GNPDA2: variants seen among roughly 807,000 people sequenced by gnomAD.
GNPDA2 encodes the protein glcN6P deaminase 2.
A neutral mutation model predicts 27.0 loss-of-function variants in GNPDA2; 24 were observed. That is an observed-to-expected ratio of 0.89 (90% confidence interval 0.64 to 1.25). GNPDA2 has a LOEUF of 1.25. Among genes scored for constraint, GNPDA2 ranks in the 50% most tolerant of loss-of-function variants. The pLI, the probability that GNPDA2 is intolerant of heterozygous loss-of-function variation, is 0.00. For missense variants in GNPDA2, 286 were observed against 335.1 expected (o/e 0.85, Z 1.14); for synonymous variants, 94 against 108.4 (o/e 0.87, Z 0.83).
chr4:44,715,612 G>A (rs1038990253), intron 4 of GNPDA2, among the ~76,000 whole-genome samples: 1 of 152,018 alleles, frequency 6.6e-6, no homozygotes, highest in African/African-American at 2.4e-5. Context: ...CTACTGTCTA[G>A]CCTGAATATT....
At chr4:44,722,935 A>G (rs547872977) in intron 1 of GNPDA2, among the ~76,000 whole-genome samples, 20 of 152,352 alleles carry the variant, frequency 1.3e-4, no homozygotes, top group Non-Finnish European at 2.6e-4. Context: ...AATTCAAATT[A>G]TAACAATAGG....
At chr4:44,725,157 T>A (rs1219610424) in intron 1 of GNPDA2, among the ~76,000 whole-genome samples, 1 of 152,214 alleles carries the variant, frequency 6.6e-6, no homozygotes, top group East Asian at 1.9e-4. Flanking sequence ...AGCACTATGC[T>A]AGGTTCTGTA....
At chr4:44,704,595 C>A (rs1426390042) in intron 6 of GNPDA2, 1 of 776,702 alleles carries the variant, frequency 1.3e-6, no homozygotes, top group African/African-American at 1.9e-5. Flanking sequence ...GATATTAAGT[C>A]AAATATTTAC....
chr4:44,709,957 A>G (rs1207476220), intron 5 of GNPDA2, among the ~76,000 whole-genome samples: 1 of 152,178 alleles, frequency 6.6e-6, no homozygotes. Context: ...TGTCTGGGCA[A>G]AAACTGACCC....
At position 44,718,309 on chromosome 4, in the gene GNPDA2, C is replaced by G. The variant is rs754388235; in HGVS notation, c.226G>C (p.Gly76Arg). 2 of 1,128,992 alleles carry G rather than the reference C, an allele frequency of 1.8e-6. No homozygotes were observed. Among genetic ancestry groups the G allele is most frequent in the Non-Finnish European group, 2.5e-6 (2 of 785,670 alleles). The allele number at this position is 1,128,992 out of a possible 1,614,324, so 69.9% of individuals were successfully genotyped here. A position where few individuals can be genotyped will look rare whatever the true frequency, so the allele number is the denominator to read the frequency against. ...VKTFNMDEYV[G>R]LPRNHPESYH... Reference sequence around the variant, plus strand: ...GTCAATATATTTAAGTATAGCTTACCTACATATTCATCCATATTAAAGGTC... The same window carrying G: ...GTCAATATATTTAAGTATAGCTTACGTACATATTCATCCATATTAAAGGTC... Residue 76 changes from glycine (G) to arginine (R), a missense_variant and splice_region_variant, in exon 3 of 7, where the codon GGA (glycine) becomes CGA (arginine). Transcript: ENST00000295448.
At chr4:44,722,603 A>C (rs1039657106) in intron 1 of GNPDA2, among the ~76,000 whole-genome samples, 8 of 152,166 alleles carry the variant, frequency 5.3e-5, no homozygotes, top group African/African-American at 1.9e-4. Context: ...ATTATTCCCT[A>C]AACAATACAG....
chr4:44,714,764 T>C (rs1268421767), intron 4 of GNPDA2: 1 of 567,550 alleles, frequency 1.8e-6, no homozygotes, highest in African/African-American at 2.0e-5. Context: ...CATGAATACA[T>C]ATCCAATAAT....
intron 6 of GNPDA2, chr4:44,704,988 G>T (rs1716499047): frequency 2.0e-6 from 2 of 983,078 alleles, no homozygotes; most frequent in South Asian, 9.4e-5. Flanking sequence ...TGATTAACTT[G>T]TATCTTTCAA....
At chr4:44,709,068 T>A (rs1716802431) in intron 5 of GNPDA2, among the ~76,000 whole-genome samples, 1 of 152,098 alleles carries the variant, frequency 6.6e-6, no homozygotes, top group African/African-American at 2.4e-5. Flanking sequence ...TTAGACAATA[T>A]GAGCTAAGAG....
rs1001721883 is a variant in GNPDA2, at chr4:44,702,167, C to T, written c.*914G>A. 14 of 904,070 alleles carry T rather than the reference C, an allele frequency of 1.5e-5. No homozygotes were observed. The Admixed American group carries it at 3.7e-4, about 24-fold the overall frequency. 56.0% of individuals were successfully genotyped at this position (904,070 alleles called of 1,614,324 possible). A position where few individuals can be genotyped will look rare whatever the true frequency, so the allele number is the denominator to read the frequency against. ...AAATTTAGATAACTTATTTATTACACGCTTTATTTGAGTTAAAGATAAAAA... is the reference window on the plus strand; with the variant it reads ...AAATTTAGATAACTTATTTATTACATGCTTTATTTGAGTTAAAGATAAAAA... On this transcript the variant is annotated 3_prime_UTR_variant, in exon 7 of 7. Coordinates refer to ENST00000295448, the MANE Select transcript of GNPDA2 (RefSeq NM_138335.3).
intron 5 of GNPDA2, among the ~76,000 whole-genome samples, chr4:44,709,800 C>CAAAA (rs36001584): frequency 2.8e-5 from 4 of 145,360 alleles, no homozygotes; most frequent in African/African-American, 1.0e-4. Flanking sequence ...TTGTCACTTC[C>CAAAA]AAAAAAAAAA....
rs570041837 is a variant in GNPDA2 at position 44,722,773 on chromosome 4, T to G, written c.-35-531A>C. Among the ~76,000 whole-genome samples, 49 of 152,268 alleles carry G rather than the reference T, an allele frequency of 3.2e-4. 1 individual carries two copies. The highest frequency in any genetic ancestry group is 2.6e-3 in the Admixed American group (39 of 15,292). ...GATTTTGGTATCTGAAGGGGGATCCTAGAATCAATCCCCAACAGATACTAG... is the reference window on the plus strand; with the variant it reads ...GATTTTGGTATCTGAAGGGGGATCCGAGAATCAATCCCCAACAGATACTAG... On this transcript the variant is annotated intron_variant, in intron 1 of 6. Transcript: ENST00000295448.
intron 2 of GNPDA2, 26 bp downstream of exon 2, chr4:44,722,058 A>G (rs369601120): frequency 6.0e-5 from 92 of 1,532,192 alleles, no homozygotes; most frequent in Non-Finnish European, 8.2e-5. Context: ...ATATCAGAAT[A>G]TAAAATGGAA....
At chr4:44,708,651 T>A (rs1419236453) in intron 5 of GNPDA2, among the ~76,000 whole-genome samples, 2 of 150,590 alleles carry the variant, frequency 1.3e-5, no homozygotes, top group South Asian at 2.1e-4. Context: ...TCGGAATCTT[T>A]TCTTTATCAT....
Position 44,717,148 on chromosome 4 carries a change from A to G in GNPDA2, c.374T>C (p.Ile125Thr). The G allele has an allele frequency of 6.2e-7, 1 of 1,608,800 alleles. No individual in the cohort carries two copies. Residue 125 changes from isoleucine (I) to threonine (T), a missense_variant, in exon 4 of 7, where the codon ATA (isoleucine) becomes ACA (threonine). Coordinates refer to ENST00000295448, the MANE Select transcript of GNPDA2 (RefSeq NM_138335.3). ...QAECDAFENK[I>T]KEAGGIDLFV... ...AAGATCTATTCCTCCAGCTTCTTTT[A>G]TTTTGTTTTCAAAAGCATCACATTC...
chr4:44,712,569 T>G (rs1443543585), intron 4 of GNPDA2, among the ~76,000 whole-genome samples: 1 of 152,138 alleles, frequency 6.6e-6, no homozygotes, highest in Non-Finnish European at 1.5e-5. Flanking sequence ...ATTATCTAGA[T>G]TTGTAAAAGT....
Position 44,702,168 on chromosome 4 carries a change from G to T in GNPDA2, c.*913C>A, listed in dbSNP as rs1361931522. 6.7e-6 allele frequency: 6 copies of T among 901,494 alleles called. No individual in the cohort carries two copies. The South Asian group carries it at 2.0e-4, about 31-fold the overall frequency. 55.8% of individuals were successfully genotyped at this position (901,494 alleles called of 1,614,324 possible). A position where few individuals can be genotyped will look rare whatever the true frequency, so the allele number is the denominator to read the frequency against. On this transcript the variant is annotated 3_prime_UTR_variant, in exon 7 of 7. Transcript: ENST00000295448. ...AATTTAGATAACTTATTTATTACAC[G>T]CTTTATTTGAGTTAAAGATAAAAAA... is the stretch of plus-strand genomic sequence containing the variant.
chr4:44,715,427 A>G (rs1007315049), intron 4 of GNPDA2, among the ~76,000 whole-genome samples: 2 of 152,150 alleles, frequency 1.3e-5, no homozygotes, highest in African/African-American at 4.8e-5. Context: ...ACTTTTAATA[A>G]TGAACCTCAA....
chr4:44,701,988 A>T lies in GNPDA2; in HGVS notation c.*1093T>A, dbSNP rs1716294287. The T allele has an allele frequency of 4.1e-6, 4 of 985,244 alleles. No homozygotes were observed. The highest frequency in any genetic ancestry group is 4.8e-6 in the Non-Finnish European group (4 of 829,612). 61.0% of individuals were successfully genotyped at this position (985,244 alleles called of 1,614,324 possible). ...TGGGCTTATGAAATGCAAAATAAGC[A>T]AAAGGAGCATTTTTTTGCTCCCCAC... On this transcript the variant is annotated 3_prime_UTR_variant, in exon 7 of 7. Transcript: ENST00000295448.
Sources: allele counts gnomAD v4.1 joint callset (sites outside exome capture counted in the v4.1 genomes callset), GRCh38; gene constraint gnomAD v4.1.1; transcripts MANE v1.5; gene names NCBI Gene and HGNC (gene_info 2026-07-23, HGNC 2026-07-21).